PI4KA: variants seen among roughly 807,000 people sequenced by gnomAD.
The protein encoded by PI4KA is PI4-kinase alpha.
Under a neutral mutation model 271.4 loss-of-function variants are expected in PI4KA, and 122 were observed. The observed-to-expected ratio is 0.45, with a 90% CI of 0.39 to 0.52. PI4KA has a LOEUF of 0.52. Among genes scored for constraint, PI4KA ranks in the 20% least tolerant of loss-of-function variants. PI4KA has a pLI of 0.00. For missense variants in PI4KA, 1,969 were observed against 2,769.1 expected, an observed-to-expected ratio of 0.71 and a Z score of 6.48; for synonymous variants, 1,041 against 1,078.8, an observed-to-expected ratio of 0.96 and a Z score of 0.69.
intron 4 of PI4KA, among the ~76,000 whole-genome samples, chr22:20,823,297 A>G (rs149763662): frequency 7.1e-6 from 1 of 141,366 alleles, no homozygotes; most frequent in African/African-American, 2.7e-5. Context: ...TCATAGAAAA[A>G]AGCCCTTAAT....
At chr22:20,775,821 G>A (rs183731569) in intron 19 of PI4KA, among the ~76,000 whole-genome samples, 2 of 152,268 alleles carry the variant, frequency 1.3e-5, no homozygotes, top group East Asian at 3.9e-4. Flanking sequence ...AAAAGGCCAA[G>A]AAGTGATAAG....
chr22:20,816,283 A>T (rs930509486), intron 7 of PI4KA, among the ~76,000 whole-genome samples: 1 of 151,988 alleles, frequency 6.6e-6, no homozygotes, highest in Non-Finnish European at 1.5e-5. Context: ...TATTAAAAAT[A>T]ATTCTTATTT....
intron 27 of PI4KA, among the ~76,000 whole-genome samples, chr22:20,750,274 T>G (rs947607075): frequency 6.6e-6 from 1 of 151,650 alleles, no homozygotes; most frequent in Non-Finnish European, 1.5e-5. Context: ...GGGAGGAGGG[T>G]GTGCACAGAG....
intron 36 of PI4KA, 51 bp downstream of exon 36, chr22:20,732,920 A>C (rs755727481): frequency 1.9e-6 from 3 of 1,608,384 alleles, no homozygotes; most frequent in Non-Finnish European, 2.5e-6. Flanking sequence ...CCCACGTGGC[A>C]CCCCTGTCCT....
At chr22:20,790,594 G>C (rs1049280427) in intron 19 of PI4KA, among the ~76,000 whole-genome samples, 8 of 151,838 alleles carry the variant, frequency 5.3e-5, no homozygotes, top group Non-Finnish European at 1.0e-4. Flanking sequence ...CCAGGAGATG[G>C]AAGTTGCAGT....
In PI4KA at chr22:20,805,162, A is replaced by T. The variant is rs1320625275; in HGVS notation, c.1172T>A (p.Leu391His). The stretch of plus-strand genomic sequence containing the variant: ...GATCTCCTTCACAAAAGAGGTCGGG[A>T]GGTCTGTAGGAAAGAGTGTGGCATC... ...LRDTLYYMKD[L>H]PTSFVKEIHD... The change falls in exon 11 of 55, where the codon CTC (leucine) becomes CAC (histidine). Residue 391 changes from leucine to histidine, a missense_variant. Physicochemically the swap from Leu to His is moderately conservative, Grantham distance 99. Around this residue, in one of 13 missense-constraint regions of PI4KA, gnomAD observed 540 missense variants for 555.5 expected, o/e 0.97. Transcript: ENST00000255882. 1 of 1,612,696 alleles carries T rather than the reference A, an allele frequency of 6.2e-7. No individual in the cohort carries two copies.
intron 39 of PI4KA, among the ~76,000 whole-genome samples, chr22:20,728,277 AT>A (rs1927604579): frequency 6.6e-6 from 1 of 152,248 alleles, no homozygotes; most frequent in Non-Finnish European, 1.5e-5. Context: ...AAATAAAAAA[AT>A]GTTTAGCCAG....
At chr22:20,717,918 C>T in intron 44 of PI4KA, 140 bp from the exon 45 acceptor site, 1 of 657,244 alleles carries the variant, frequency 1.5e-6, no homozygotes, top group South Asian at 1.7e-5. Flanking sequence ...AGCCAGGCAC[C>T]ACTGGCAGCG....
At chr22:20,813,923 C>T (rs541734069) in intron 7 of PI4KA, among the ~76,000 whole-genome samples, 3 of 152,222 alleles carry the variant, frequency 2.0e-5, no homozygotes, top group South Asian at 4.2e-4. Context: ...CTCAGCCTTC[C>T]GAGTAGCTGG....
intron 45 of PI4KA, among the ~76,000 whole-genome samples, chr22:20,716,773 G>A (rs1324625226): frequency 6.6e-6 from 1 of 152,244 alleles, no homozygotes; most frequent in Non-Finnish European, 1.5e-5. Flanking sequence ...CGGGAACAGA[G>A]GCCCTGCATA....
chr22:20,833,745 TG>T (rs1200879256), intron 3 of PI4KA, among the ~76,000 whole-genome samples: 1 of 148,746 alleles, frequency 6.7e-6, no homozygotes, highest in Non-Finnish European at 1.5e-5. Context: ...CTGCAACCTC[TG>T]CCTCCTGGGT....
At chr22:20,840,535 G>GTGAGGAGACTCCTGCAGCAGC (rs766021063) in intron 1 of PI4KA, among the ~76,000 whole-genome samples, 5 of 151,842 alleles carry the variant, frequency 3.3e-5, no homozygotes, top group Admixed American at 1.3e-4. Flanking sequence ...ACAGAGACAG[G>GTGAGGAGACTCCTGCAGCAGC]TGAGGAGACT....
chr22:20,764,717 T>C, intron 22 of PI4KA, 100 bp downstream of exon 22: 5 of 1,286,956 alleles, frequency 3.9e-6, no homozygotes, highest in Non-Finnish European at 5.3e-6. Flanking sequence ...TTGCATGTCT[T>C]GGGAGAAGTT....
chr22:20,842,150 C>T (rs1487636978), intron 1 of PI4KA, among the ~76,000 whole-genome samples: 1 of 152,040 alleles, frequency 6.6e-6, no homozygotes, highest in Non-Finnish European at 1.5e-5. Flanking sequence ...ATTGCTTGAA[C>T]CCGGGAGGCA....
At chr22:20,742,018 G>A (rs909736694) in intron 32 of PI4KA, among the ~76,000 whole-genome samples, 2 of 152,314 alleles carry the variant, frequency 1.3e-5, no homozygotes, top group Non-Finnish European at 2.9e-5. Flanking sequence ...GGGAGATAAC[G>A]GCTTCTAGGC....
chr22:20,729,761 G>A, intron 37 of PI4KA, 50 bp from the exon 38 acceptor site: 1 of 1,568,200 alleles, frequency 6.4e-7, no homozygotes, highest in Non-Finnish European at 8.7e-7. Flanking sequence ...CTACCTGTCT[G>A]CCCTGAGATT....
At position 20,799,169 on chromosome 22, in the gene PI4KA, TG is replaced by T; in HGVS notation, c.1927del (p.Gln643ArgfsTer13). On this transcript the variant is annotated frameshift_variant, in exon 16 of 55. Coordinates refer to ENST00000255882, the MANE Select transcript of PI4KA (RefSeq NM_058004.4). LOFTEE classifies it high-confidence loss of function. ...VMEPILQILQ[Q>X]KFCQPPSPLD... Reference sequence around the variant, plus strand: ...GGGGGAGGGTGGCTGGCAGAATTTCTGCTGTAGGATCTGCAGAATGGGCTCC... The same window carrying T: ...GGGGGAGGGTGGCTGGCAGAATTTCTCTGTAGGATCTGCAGAATGGGCTCC... 6.2e-7 allele frequency: 1 copy of T among 1,610,614 alleles called. No homozygotes were observed. The highest frequency in any genetic ancestry group is 8.5e-7 in the Non-Finnish European group (1 of 1,178,378).
chr22:20,749,307 T>C (rs899989993), intron 28 of PI4KA, among the ~76,000 whole-genome samples: 1 of 152,260 alleles, frequency 6.6e-6, no homozygotes, highest in Non-Finnish European at 1.5e-5. Flanking sequence ...CACTCTCTGC[T>C]AACACAGATT....
intron 9 of PI4KA, among the ~76,000 whole-genome samples, chr22:20,808,164 A>G (rs1280802404): frequency 6.6e-6 from 1 of 151,472 alleles, no homozygotes; most frequent in African/African-American, 2.4e-5. Context: ...GTGGTACATG[A>G]CTGTAATCCC....
Sources: gnomAD v4.1 joint callset for allele counts (sites outside exome capture counted in the v4.1 genomes callset) on GRCh38, gnomAD v4.1.1 for gene constraint, gnomAD v4.1.1 regional missense constraint, MANE v1.5 for transcripts, NCBI Gene and HGNC (gene_info 2026-07-23, HGNC 2026-07-21) for gene names.